Variants in LRRTM3 observed in about 807,000 individuals in gnomAD.
LRRTM3 encodes the protein leucine rich repeat transmembrane neuronal 3.
Under a neutral mutation model 44.7 loss-of-function variants are expected in LRRTM3, and 24 were observed. The observed-to-expected ratio is 0.54, with a 90% CI of 0.39 to 0.76. The LOEUF is 0.76. LRRTM3 is among the 30% of genes least tolerant of loss of function. The probability of loss-of-function intolerance (pLI) is 0.00; values close to 1 mark genes in which losing one functional copy is unlikely to be tolerated. For missense variants in LRRTM3, 587 were observed against 702.2 expected (o/e 0.84, Z 1.85); for synonymous variants, 277 against 278.7 (o/e 0.99, Z 0.06).
At chr10:66,950,507 T>A (rs1440151803) in intron 2 of LRRTM3, among the ~76,000 whole-genome samples, 3 of 152,214 alleles carry the variant, frequency 2.0e-5, no homozygotes, top group Non-Finnish European at 4.4e-5. Flanking sequence ...AAACAAAAGA[T>A]CCTTATTTCC....
chr10:67,005,687 T>TTTTTTTGTTGTTTG (rs1554895956), intron 2 of LRRTM3, among the ~76,000 whole-genome samples: 2 of 102,258 alleles, frequency 2.0e-5, no homozygotes, highest in African/African-American at 3.1e-5. Context: ...TCCATCTTTT[T>TTTTTTTGTTGTTTG]TTTTTTTTTT....
At chr10:67,009,843 C>A (rs1452340848) in intron 2 of LRRTM3, among the ~76,000 whole-genome samples, 1 of 152,082 alleles carries the variant, frequency 6.6e-6, no homozygotes, top group African/African-American at 2.4e-5. Context: ...AAAACATATC[C>A]TTTTGCATCA....
chr10:67,045,240 A>G (rs1219941675), intron 2 of LRRTM3, among the ~76,000 whole-genome samples: 1 of 152,202 alleles, frequency 6.6e-6, no homozygotes, highest in Admixed American at 6.5e-5. Flanking sequence ...AACATTTATT[A>G]AATACCTGTT....
chr10:67,067,267 C>A (rs188348680), intron 2 of LRRTM3, among the ~76,000 whole-genome samples: 2 of 150,268 alleles, frequency 1.3e-5, no homozygotes, highest in East Asian at 2.0e-4. Context: ...GTATTAGAAT[C>A]ATTTTATGAC....
At chr10:66,997,433 T>C (rs1851416701) in intron 2 of LRRTM3, among the ~76,000 whole-genome samples, 1 of 152,228 alleles carries the variant, frequency 6.6e-6, no homozygotes, top group Non-Finnish European at 1.5e-5. Context: ...TAAGCATGAT[T>C]TAATCTAACA....
At chr10:67,028,070 C>T (rs1201396303) in intron 2 of LRRTM3, among the ~76,000 whole-genome samples, 1 of 152,132 alleles carries the variant, frequency 6.6e-6, no homozygotes, top group Admixed American at 6.6e-5. Context: ...TATCCAAGGT[C>T]ACACTGCTAT....
chr10:66,950,655 T>TTAGAAA (rs1175041200), intron 2 of LRRTM3, among the ~76,000 whole-genome samples: 4 of 152,138 alleles, frequency 2.6e-5, no homozygotes, highest in Admixed American at 6.6e-5. Flanking sequence ...AAAAGAACCA[T>TTAGAAA]TAGAAATATA....
Position 67,089,027 on chromosome 10 carries a change from A to C in LRRTM3, c.1537-8560A>C, listed in dbSNP as rs553621393. On this transcript the variant is annotated intron_variant, in intron 2 of 2. Transcript: ENST00000361320. ...GTATTAGGTATTATGAGTAATCTAC[A>C]GGTGATTTTAAATATATGGGAGGAT... is the stretch of plus-strand genomic sequence containing the variant. Among the ~76,000 whole-genome samples the C allele has an allele frequency of 4.6e-5, 7 of 152,174 alleles. No individual in the cohort carries two copies. In the South Asian group the frequency reaches 1.4e-3, roughly 31 times the overall value.
intron 2 of LRRTM3, among the ~76,000 whole-genome samples, chr10:66,979,971 T>C (rs754488656): frequency 1.3e-5 from 2 of 152,238 alleles, no homozygotes; most frequent in Non-Finnish European, 2.9e-5. Context: ...CCATCAAGTT[T>C]TTATTCTTTT....
intron 2 of LRRTM3, among the ~76,000 whole-genome samples, chr10:67,071,763 A>T (rs945610888): frequency 6.6e-6 from 1 of 152,210 alleles, no homozygotes; most frequent in Non-Finnish European, 1.5e-5. Context: ...AAAAATTAGC[A>T]TAACACAAAT....
chr10:67,013,909 G>A (rs746384026), intron 2 of LRRTM3, among the ~76,000 whole-genome samples: 58 of 152,168 alleles, frequency 3.8e-4, no homozygotes, highest in Non-Finnish European at 6.8e-4. Flanking sequence ...TGTGCCATTT[G>A]GGGTGTGAAA....
chr10:67,054,392 A>G (rs1250758391), intron 2 of LRRTM3, among the ~76,000 whole-genome samples: 1 of 152,168 alleles, frequency 6.6e-6, no homozygotes, highest in East Asian at 1.9e-4. Flanking sequence ...TAAGTGACCA[A>G]TGAGGACAGC....
intron 2 of LRRTM3, among the ~76,000 whole-genome samples, chr10:67,077,012 GC>G (rs1391408185): frequency 6.6e-6 from 1 of 152,008 alleles, no homozygotes; most frequent in African/African-American, 2.4e-5. Context: ...TTCAGGCAAC[GC>G]CCCCAACATG....
chr10:67,010,076 C>A (rs956423533), intron 2 of LRRTM3, among the ~76,000 whole-genome samples: 3 of 152,132 alleles, frequency 2.0e-5, no homozygotes, highest in Admixed American at 1.3e-4. Context: ...TTAGAACCTT[C>A]AAGATTGTGA....
In LRRTM3 at chr10:66,928,424, A is replaced by G. The variant is rs528381331; in HGVS notation, c.1508A>G (p.Tyr503Cys). 6.2e-6 allele frequency: 10 copies of G among 1,610,996 alleles called. No individual in the cohort carries two copies. The highest frequency in any genetic ancestry group is 2.2e-5 in the East Asian group (1 of 44,868). Reference protein sequence around the residue: ...MLLNGTGPCTYNKSGSRECEI... With the variant: ...MLLNGTGPCTCNKSGSRECEI... Reference sequence around the variant, plus strand: ...CTGAATGGGACGGGACCCTGCACCTATAACAAATCGGGCTCCAGGGAGTGT... The same window carrying G: ...CTGAATGGGACGGGACCCTGCACCTGTAACAAATCGGGCTCCAGGGAGTGT... Residue 503 changes from tyrosine to cysteine, a missense_variant, in exon 2 of 3, where the codon TAT becomes TGT. Tyr to Cys is a radical substitution (Grantham distance 194). This residue lies in a region of LRRTM3 where 315 missense variants were observed against 335.6 expected (regional missense o/e 0.94). Transcript: ENST00000361320.
At chr10:67,087,743 T>C (rs913658972) in intron 2 of LRRTM3, among the ~76,000 whole-genome samples, 28 of 151,984 alleles carry the variant, frequency 1.8e-4, no homozygotes, top group African/African-American at 6.5e-4. Context: ...TTTAATAGAT[T>C]ATCTCAGTCA....
At chr10:67,044,011 C>T (rs1371284161) in intron 2 of LRRTM3, among the ~76,000 whole-genome samples, 1 of 151,312 alleles carries the variant, frequency 6.6e-6, no homozygotes, top group African/African-American at 2.4e-5. Context: ...CTGTGTGATG[C>T]TGAGGTTTGG....
At chr10:67,065,938 C>CAA (rs10714806) in intron 2 of LRRTM3, among the ~76,000 whole-genome samples, 106 of 148,178 alleles carry the variant, frequency 7.2e-4, no homozygotes, top group African/African-American at 2.4e-3. Context: ...GGCTGCCATT[C>CAA]AAAAAAAAAA....
chr10:67,067,223 A>T (rs541756983), intron 2 of LRRTM3, among the ~76,000 whole-genome samples: 20 of 152,180 alleles, frequency 1.3e-4, no homozygotes, highest in African/African-American at 4.8e-4. Context: ...AACAATTTTT[A>T]AGTATGTGTG....
Sources: allele counts gnomAD v4.1 joint callset (sites outside exome capture counted in the v4.1 genomes callset), GRCh38; gene constraint gnomAD v4.1.1; regional missense constraint gnomAD v4.1.1; transcripts MANE v1.5; gene names NCBI Gene and HGNC (gene_info 2026-07-23, HGNC 2026-07-21).